GRIA4: variants seen among roughly 807,000 people sequenced by gnomAD.
GRIA4 encodes glutamate ionotropic receptor AMPA type subunit 4.
Under a neutral mutation model 104.0 loss-of-function variants are expected in GRIA4, and 34 were observed. The observed-to-expected ratio is 0.33, with a 90% CI of 0.25 to 0.44. The LOEUF (loss-of-function observed/expected upper bound fraction) is 0.44, where lower values mean the gene tolerates loss of function less well. GRIA4 is among the 20% of genes least tolerant of loss of function. The pLI, the probability that GRIA4 is intolerant of heterozygous loss-of-function variation, is 1.00. For synonymous variants in GRIA4, 386 were observed against 381.9 expected (o/e 1.01, Z -0.13); for missense variants, 750 against 1,096.5 (o/e 0.68, Z 4.46).
chr11:105,831,074 A>G (rs1234620699), intron 4 of GRIA4, among the ~76,000 whole-genome samples: 3 of 151,852 alleles, frequency 2.0e-5, no homozygotes, highest in Non-Finnish European at 4.4e-5. Context: ...TGATGACTTG[A>G]CTCAGCTGAG....
At chr11:105,654,989 A>G (rs1289780162) in intron 3 of GRIA4, among the ~76,000 whole-genome samples, 4 of 152,164 alleles carry the variant, frequency 2.6e-5, no homozygotes, top group Non-Finnish European at 5.9e-5. Flanking sequence ...TCATCCTGAT[A>G]TCATTAATAA....
intron 10 of GRIA4, 118 bp downstream of exon 10, chr11:105,910,663 T>A (rs1947203791): frequency 1.6e-6 from 1 of 618,188 alleles, no homozygotes; most frequent in Non-Finnish European, 3.0e-6. Flanking sequence ...ATGGGTGTTC[T>A]GATCCACAAA....
chr11:105,772,277 G>A (rs1321078436), intron 4 of GRIA4, among the ~76,000 whole-genome samples: 1 of 152,130 alleles, frequency 6.6e-6, no homozygotes, highest in Non-Finnish European at 1.5e-5. Flanking sequence ...TGCTGGAAGT[G>A]CTCTCAAGAG....
intron 13 of GRIA4, among the ~76,000 whole-genome samples, chr11:105,927,278 G>T (rs1474243216): frequency 6.6e-6 from 1 of 151,956 alleles, no homozygotes; most frequent in African/African-American, 2.4e-5. Context: ...TCTGCTTTTG[G>T]GCTGAGAGCG....
chr11:105,699,364 T>C (rs1398400382), intron 3 of GRIA4, among the ~76,000 whole-genome samples: 1 of 152,144 alleles, frequency 6.6e-6, no homozygotes, highest in Non-Finnish European at 1.5e-5. Context: ...CTGCACTCTC[T>C]ATACAAGATC....
At chr11:105,978,408 T>C (rs966676392) in intron 16 of GRIA4, among the ~76,000 whole-genome samples, 1 of 152,092 alleles carries the variant, frequency 6.6e-6, no homozygotes, top group Non-Finnish European at 1.5e-5. Context: ...GACTGTTTAC[T>C]GAAACAGAAC....
intron 3 of GRIA4, among the ~76,000 whole-genome samples, chr11:105,726,661 C>G (rs1938231713): frequency 6.6e-6 from 1 of 152,110 alleles, no homozygotes; most frequent in Non-Finnish European, 1.5e-5. Flanking sequence ...GGGTCCCCCT[C>G]TGGAACGAAG....
chr11:105,650,208 C>A lies in GRIA4; in HGVS notation c.247+37774C>A, dbSNP rs148582604. ...AACTTGAAAATGGCAGAAATACTTT[C>A]TTTTATTGGTTGTTGCAAGTCTCAC... On this transcript the variant is annotated intron_variant, in intron 3 of 16. Coordinates refer to ENST00000282499, the MANE Select transcript of GRIA4 (RefSeq NM_000829.4). Among the ~76,000 whole-genome samples the A allele has an allele frequency of 3.0e-3, 452 of 152,238 alleles. 1 individual carries two copies. The highest frequency in any genetic ancestry group is 0.01 in the African/African-American group (426 of 41,556).
intron 4 of GRIA4, among the ~76,000 whole-genome samples, chr11:105,753,656 A>C (rs1940136459): frequency 6.6e-6 from 1 of 152,132 alleles, no homozygotes; most frequent in Non-Finnish European, 1.5e-5. Context: ...CAGATCCTAC[A>C]GATTGAAGGC....
chr11:105,879,173 G>A lies in GRIA4; in HGVS notation c.673-8346G>A, dbSNP rs145646753. 2.5e-3 allele frequency among the ~76,000 whole-genome samples: 374 copies of A among 152,242 alleles called. 5 individuals are homozygous for A. The Middle Eastern group carries it at 0.071, about 29-fold the overall frequency. ...TTCCCTGACCTCTTGTGCTTTCCAA[G>A]TGAGGTGACACCCCACCCTGCTTCT... On this transcript the variant is annotated intron_variant, in intron 5 of 16. Coordinates refer to ENST00000282499, the MANE Select transcript of GRIA4 (RefSeq NM_000829.4).
chr11:105,656,184 T>C (rs1951839299), intron 3 of GRIA4, among the ~76,000 whole-genome samples: 1 of 152,072 alleles, frequency 6.6e-6, no homozygotes, highest in Non-Finnish European at 1.5e-5. Context: ...GAGGTTGTTT[T>C]TCCCTTGTAA....
At chr11:105,840,865 A>G (rs976868189) in intron 4 of GRIA4, among the ~76,000 whole-genome samples, 2 of 152,186 alleles carry the variant, frequency 1.3e-5, no homozygotes, top group African/African-American at 4.8e-5. Context: ...TTCATCTATT[A>G]TTAACCAAAA....
intron 1 of GRIA4, chr11:105,610,655 G>C (rs891595654): frequency 2.9e-5 from 7 of 243,158 alleles, no homozygotes; most frequent in Non-Finnish European, 5.6e-5. Flanking sequence ...GTGAGGCAAA[G>C]ATAGAGCGCA....
intron 14 of GRIA4, among the ~76,000 whole-genome samples, chr11:105,956,024 C>T (rs563087370): frequency 1.2e-4 from 18 of 152,170 alleles, no homozygotes; most frequent in African/African-American, 3.6e-4. Context: ...GGATATTAGA[C>T]GTTTGTCAGA....
intron 4 of GRIA4, among the ~76,000 whole-genome samples, chr11:105,823,215 C>G (rs1189137201): frequency 6.6e-6 from 1 of 152,140 alleles, no homozygotes; most frequent in Non-Finnish European, 1.5e-5. Context: ...TCATGTATGT[C>G]TCCCAGTGGA....
chr11:105,633,609 T>C (rs886634583), intron 3 of GRIA4, among the ~76,000 whole-genome samples: 1 of 152,208 alleles, frequency 6.6e-6, no homozygotes, highest in Non-Finnish European at 1.5e-5. Context: ...TCCATGACCA[T>C]GCTTTTTTAT....
At chr11:105,624,305 A>G (rs1950829824) in intron 3 of GRIA4, among the ~76,000 whole-genome samples, 1 of 152,096 alleles carries the variant, frequency 6.6e-6, no homozygotes, top group African/African-American at 2.4e-5. Context: ...TCTGCTGACA[A>G]AAGAAATTCA....
Position 105,862,009 on chromosome 11 carries a change from T to C in GRIA4, c.488-15T>C, listed in dbSNP as rs1296718904. 6.4e-7 allele frequency: 1 copy of C among 1,574,576 alleles called. No individual in the cohort carries two copies. On this transcript the variant is annotated splice_polypyrimidine_tract_variant and intron_variant, in intron 4 of 16. Coordinates refer to ENST00000282499, the MANE Select transcript of GRIA4 (RefSeq NM_000829.4). ...GTAAAAGCATGTTTTTAGTAACTTT[T>C]TTTTTCCCCAATAGGATACTCGATA...
intron 4 of GRIA4, among the ~76,000 whole-genome samples, chr11:105,815,452 A>G (rs1943337303): frequency 6.6e-6 from 1 of 152,150 alleles, no homozygotes; most frequent in Non-Finnish European, 1.5e-5. Flanking sequence ...TTCCCTTCCC[A>G]GAGCCCTGCT....
Sources: gnomAD v4.1 joint callset for allele counts (sites outside exome capture counted in the v4.1 genomes callset) on GRCh38, gnomAD v4.1.1 for gene constraint, MANE v1.5 for transcripts, NCBI Gene and HGNC (gene_info 2026-07-23, HGNC 2026-07-21) for gene names.